Variants in ZNF317 observed in about 807,000 individuals in gnomAD.
ZNF317 encodes the protein KRAB-containing zinc finger protein 317.
Under a neutral mutation model 23.4 loss-of-function variants are expected in ZNF317, and 17 were observed. The ratio of observed to expected loss-of-function variants is 0.73; its 90% CI spans 0.50 to 1.09. The LOEUF (loss-of-function observed/expected upper bound fraction) is 1.09, where lower values mean the gene tolerates loss of function less well. Among genes scored for constraint, ZNF317 ranks in the 50% least tolerant of loss-of-function variants. The pLI, the probability that ZNF317 is intolerant of heterozygous loss-of-function variation, is 0.00. For missense variants in ZNF317, 679 were observed against 796.7 expected (o/e 0.85, Z 1.78); for synonymous variants, 317 against 314.9 (o/e 1.01, Z -0.07).
chr19:9,153,779 C>T lies in ZNF317; in HGVS notation c.-92-2146C>T, dbSNP rs185991879. Among the ~76,000 whole-genome samples the T allele has an allele frequency of 7.3e-3, 1,112 of 152,262 alleles. 5 individuals carry two copies. The highest frequency in any genetic ancestry group is 0.011 in the Non-Finnish European group (743 of 68,024). The stretch of plus-strand genomic sequence containing the variant: ...TCAAAGAAAATAGACACCACATTTT[C>T]GTGAGACTCTAAGACTGAAGTGCAT... On this transcript the variant is annotated intron_variant, in intron 1 of 6. Coordinates refer to ENST00000247956, the MANE Select transcript of ZNF317 (RefSeq NM_020933.5).
At chr19:9,159,945 TGATG>T (rs1384374504) in intron 6 of ZNF317, among the ~76,000 whole-genome samples, 165 bp from the exon 7 acceptor site, 1 of 152,224 alleles carries the variant, frequency 6.6e-6, no homozygotes. Context: ...CTATTGTCCT[TGATG>T]GAGCTCAAAT....
rs1207225836 is a variant in ZNF317, at chr19:9,155,999, G to A, written c.-18G>A. On this transcript the variant is annotated 5_prime_UTR_variant, in exon 2 of 7. An upstream open reading frame in the 5' UTR loses its in-frame stop. Coordinates refer to ENST00000247956, the MANE Select transcript of ZNF317 (RefSeq NM_020933.5). ...TCCTGGTGCCCTGCTCAGGCAAACT[G>A]ACTGCCATTCTCTGAGGATGGCAGC... 3 of 1,614,050 alleles carry A rather than the reference G, an allele frequency of 1.9e-6. No homozygotes were observed. The highest frequency in any genetic ancestry group is 2.5e-6 in the Non-Finnish European group (3 of 1,180,036).
chr19:9,149,021 A>G (rs1439044111), intron 1 of ZNF317, among the ~76,000 whole-genome samples: 1 of 152,218 alleles, frequency 6.6e-6, no homozygotes, highest in African/African-American at 2.4e-5. Flanking sequence ...ACAACAGGAA[A>G]ACTTTTGACA....
Position 9,161,536 on chromosome 19 carries a change from T to A in ZNF317, c.*103T>A, listed in dbSNP as rs2050857433. ...TCGCACCTTACTGGGTGCAAAAGAA[T>A]CCACGGAACTTGGGAGAAGTCCAGT... On this transcript the variant is annotated 3_prime_UTR_variant, in exon 7 of 7. Coordinates refer to ENST00000247956, the MANE Select transcript of ZNF317 (RefSeq NM_020933.5). The surrounding 1 kb of genome is among the most constrained non-coding windows in gnomAD (Gnocchi z 4.0). The A allele has an allele frequency of 6.8e-7, 1 of 1,480,294 alleles. No homozygotes were observed. Among genetic ancestry groups the A allele is most frequent in the Admixed American group, 2.3e-5 (1 of 44,244 alleles). 91.7% of individuals were successfully genotyped at this position (1,480,294 alleles called of 1,614,324 possible).
rs773152326 is a variant in ZNF317 at position 9,158,925 on chromosome 19, A to T, written c.468+17A>T. 6.4e-7 allele frequency: 1 copy of T among 1,566,114 alleles called. No individual in the cohort carries two copies. Among genetic ancestry groups the T allele is most frequent in the Non-Finnish European group, 8.8e-7 (1 of 1,136,776 alleles). ...GTGACGATGGTAAGATTTCCGTGGG[A>T]TAATTCTGGATCTTCCTTCCACGTC... On this transcript the variant is annotated intron_variant, in intron 6 of 6. Coordinates refer to ENST00000247956, the MANE Select transcript of ZNF317 (RefSeq NM_020933.5).
intron 3 of ZNF317, chr19:9,156,958 A>G: frequency 1.4e-6 from 1 of 697,584 alleles, no homozygotes; most frequent in Non-Finnish European, 2.3e-6. Flanking sequence ...ATGCTTGCAA[A>G]ATCTCAGGCC....
chr19:9,160,023 A>T lies in ZNF317; in HGVS notation c.469-91A>T. 2 of 1,549,714 alleles carry T rather than the reference A, an allele frequency of 1.3e-6. No individual in the cohort carries two copies. The highest frequency in any genetic ancestry group is 8.8e-7 in the Non-Finnish European group (1 of 1,139,168). On this transcript the variant is annotated intron_variant, in intron 6 of 6. Coordinates refer to ENST00000247956, the MANE Select transcript of ZNF317 (RefSeq NM_020933.5). This position sits in a 1 kb window ranked among gnomAD's most constrained non-coding sequence, Gnocchi z 6.8. The stretch of plus-strand genomic sequence containing the variant: ...GCTCTAGTCATAGTAATGTGCTTCT[A>T]TCTGTTCATAGCAGTGTATGTGGGG...
chr19:9,143,038 T>C (rs1256181745), intron 1 of ZNF317, among the ~76,000 whole-genome samples: 1 of 152,194 alleles, frequency 6.6e-6, no homozygotes, highest in African/African-American at 2.4e-5. Context: ...GTTTTCTTTG[T>C]GGAAAGTTTT....
chr19:9,160,266 G>T lies in ZNF317; in HGVS notation c.621G>T (p.Pro207=). 1.2e-6 allele frequency: 2 copies of T among 1,614,118 alleles called. No individual in the cohort carries two copies. Among genetic ancestry groups the T allele is most frequent in the South Asian group, 1.1e-5 (1 of 91,076 alleles). ...ATGGGGTAGCGTTCAAGGGCAGGCC[G>T]CACCTCACTCAGCACATGAGCATGT... ...RDYGVAFKGR[P]HLTQHMSMYD... is the part of the protein sequence containing the mutation. The change falls in exon 7 of 7, where the codon CCG becomes CCT. Residue 207 remains proline (P), a synonymous_variant. Coordinates refer to ENST00000247956, the MANE Select transcript of ZNF317 (RefSeq NM_020933.5). The surrounding 1 kb of genome is among the most constrained non-coding windows in gnomAD (Gnocchi z 6.8).
intron 1 of ZNF317, among the ~76,000 whole-genome samples, chr19:9,147,616 C>T (rs536530478): frequency 1.6e-4 from 24 of 152,294 alleles, no homozygotes; most frequent in Admixed American, 2.6e-4. Flanking sequence ...GGATTACAGG[C>T]GTGAGCCACC....
At chr19:9,142,077 A>T (rs1260899155) in intron 1 of ZNF317, among the ~76,000 whole-genome samples, 1 of 152,200 alleles carries the variant, frequency 6.6e-6, no homozygotes, top group Non-Finnish European at 1.5e-5. Flanking sequence ...AAGTGCTGGG[A>T]TTGCAGGAGA....
chr19:9,162,137 G>A lies in ZNF317; in HGVS notation c.*704G>A, dbSNP rs2050865333. On this transcript the variant is annotated 3_prime_UTR_variant, in exon 7 of 7. Transcript: ENST00000247956. ...TTCTCAGTCGGGCGACGATTTGGCT[G>A]TCTAGGCGTCATTTGGCAATGTCTA... 6.6e-6 allele frequency: 1 copy of A among 152,150 alleles called. No homozygotes were observed. Among genetic ancestry groups the A allele is most frequent in the Non-Finnish European group, 1.5e-5 (1 of 68,044 alleles). 9.4% of individuals were successfully genotyped at this position (152,150 alleles called of 1,614,324 possible).
chr19:9,150,497 A>G (rs1362961079), intron 1 of ZNF317, among the ~76,000 whole-genome samples: 1 of 152,140 alleles, frequency 6.6e-6, no homozygotes, highest in Non-Finnish European at 1.5e-5. Context: ...CAGAAGTGCA[A>G]TCAGAACCTG....
intron 1 of ZNF317, among the ~76,000 whole-genome samples, chr19:9,152,807 A>G (rs12609331): frequency 0.15 from 23,342 of 152,208 alleles, 2,092 homozygotes; most frequent in Non-Finnish European, 0.19. Flanking sequence ...ATCCATGGAA[A>G]AATTGTCTTC....
rs1212228442 is a variant in ZNF317, at chr19:9,160,742, A to G, written c.1097A>G (p.Gln366Arg). 1.9e-6 allele frequency: 3 copies of G among 1,614,020 alleles called. No homozygotes were observed. The highest frequency in any genetic ancestry group is 2.2e-5 in the East Asian group (1 of 44,834). ...GGGGAGAAGCCCTACGCGTGCACGC[A>G]GTGCGGCAAAGCCTTCCGCTGGAAG... ...HTGEKPYACT[Q>R]CGKAFRWKSN... The change falls in exon 7 of 7, where the codon CAG becomes CGG. Residue 366 changes from glutamine (Q) to arginine (R), a missense_variant. Physicochemically the swap from Gln to Arg is conservative, Grantham distance 43. Transcript: ENST00000247956. This position sits in a 1 kb window ranked among gnomAD's most constrained non-coding sequence, Gnocchi z 6.8.
At chr19:9,147,174 A>G (rs2050690939) in intron 1 of ZNF317, among the ~76,000 whole-genome samples, 1 of 152,152 alleles carries the variant, frequency 6.6e-6, no homozygotes, top group Non-Finnish European at 1.5e-5. Flanking sequence ...ACAGATCCCA[A>G]TGAGAATAGA....
chr19:9,152,762 C>T (rs1298507886), intron 1 of ZNF317, among the ~76,000 whole-genome samples: 1 of 152,206 alleles, frequency 6.6e-6, no homozygotes, highest in African/African-American at 2.4e-5. Context: ...GTAATGCACT[C>T]AAGTCATCCC....
chr19:9,158,674 A>T (rs750923083), intron 5 of ZNF317, 152 bp from the exon 6 acceptor site: 6 of 620,104 alleles, frequency 9.7e-6, no homozygotes, highest in Admixed American at 2.7e-5. Flanking sequence ...GGCATTGCCA[A>T]ATATCTCACA....
intron 1 of ZNF317, 23 bp downstream of exon 1, chr19:9,140,615 C>G (rs1205702112): frequency 2.2e-6 from 1 of 455,718 alleles, no homozygotes; most frequent in Non-Finnish European, 4.4e-6. Flanking sequence ...TTCCTTAACC[C>G]TTCTCCCCCT....
Sources: gnomAD v4.1 joint callset for allele counts (sites outside exome capture counted in the v4.1 genomes callset) on GRCh38, gnomAD v4.1.1 for gene constraint, Gnocchi (gnomAD v3.1) non-coding constraint, MANE v1.5 for transcripts, NCBI Gene and HGNC (gene_info 2026-07-23, HGNC 2026-07-21) for gene names.